Variants in SPMAP2L observed in about 807,000 individuals in gnomAD.
SPMAP2L encodes the protein sperm microtubule associated protein 2-like.
chr4:56,574,043 G>A, the SPMAP2L span, among the ~76,000 whole-genome samples: 1 of 152,138 alleles, frequency 6.6e-6, no homozygotes, highest in Non-Finnish European at 1.5e-5. Context: ...TTAACATTGG[G>A]TCTGGGGGGG....
At chr4:56,537,160 G>C in the SPMAP2L span, among the ~76,000 whole-genome samples, 1 of 152,140 alleles carries the variant, frequency 6.6e-6, no homozygotes, top group Non-Finnish European at 1.5e-5. Flanking sequence ...TAGTCTCCTA[G>C]TTTAGCATCC....
the SPMAP2L span, among the ~76,000 whole-genome samples, chr4:56,600,347 G>A: frequency 1.3e-5 from 2 of 152,022 alleles, no homozygotes; most frequent in Non-Finnish European, 2.9e-5. Context: ...AGGCTGGAGT[G>A]CTGTAGTGTG....
chr4:56,541,892 C>T, the SPMAP2L span, among the ~76,000 whole-genome samples: 1 of 152,244 alleles, frequency 6.6e-6, no homozygotes, highest in Admixed American at 6.5e-5. Flanking sequence ...TCAAACGATC[C>T]TCCCACCTCA....
At chr4:56,593,703 T>C in the SPMAP2L span, 2 of 1,593,990 alleles carry the variant, frequency 1.3e-6, no homozygotes, top group East Asian at 4.5e-5. Flanking sequence ...GGAAGAATGG[T>C]GGGGGCAACA....
At chr4:56,590,597 G>A in the SPMAP2L span, among the ~76,000 whole-genome samples, 2 of 152,200 alleles carry the variant, frequency 1.3e-5, no homozygotes, top group African/African-American at 4.8e-5. Context: ...ACAAACTGCT[G>A]ATGTCACAGG....
the SPMAP2L span, among the ~76,000 whole-genome samples, chr4:56,620,427 C>G: frequency 1.3e-4 from 19 of 148,590 alleles, no homozygotes; most frequent in South Asian, 8.4e-4. Flanking sequence ...TTCTTGTTGC[C>G]CAGGCTGGAA....
chr4:56,617,714 G>A, the SPMAP2L span, among the ~76,000 whole-genome samples: 45 of 152,312 alleles, frequency 3.0e-4, no homozygotes, highest in African/African-American at 1.1e-3. Context: ...CTTATCACAA[G>A]GACAGAGGGA....
the SPMAP2L span, among the ~76,000 whole-genome samples, chr4:56,580,434 AT>A: frequency 1.3e-5 from 2 of 152,230 alleles, no homozygotes; most frequent in African/African-American, 4.8e-5. Flanking sequence ...TACTTTTATG[AT>A]AAAAATGCTA....
the SPMAP2L span, among the ~76,000 whole-genome samples, chr4:56,565,519 T>C: frequency 4.6e-5 from 7 of 152,162 alleles, no homozygotes; most frequent in Non-Finnish European, 5.9e-5. Context: ...AACACATAGT[T>C]TATTCATCAT....
the SPMAP2L span, among the ~76,000 whole-genome samples, chr4:56,612,590 G>C: frequency 9.8e-6 from 1 of 102,558 alleles, no homozygotes; most frequent in African/African-American, 4.8e-5. Flanking sequence ...TTTTTTTCAA[G>C]ACAGTCTCAC....
At chr4:56,553,714 T>A in the SPMAP2L span, among the ~76,000 whole-genome samples, 8 of 152,296 alleles carry the variant, frequency 5.3e-5, no homozygotes, top group Admixed American at 2.0e-4. Context: ...TACATTAAGG[T>A]TCACTTTTTG....
At chr4:56,602,374 T>G in the SPMAP2L span, among the ~76,000 whole-genome samples, 1 of 152,152 alleles carries the variant, frequency 6.6e-6, no homozygotes, top group Non-Finnish European at 1.5e-5. Flanking sequence ...TGCCATCAGA[T>G]GAAATGAAGC....
the SPMAP2L span, among the ~76,000 whole-genome samples, chr4:56,559,760 G>A: frequency 1.3e-5 from 2 of 152,006 alleles, no homozygotes; most frequent in African/African-American, 4.8e-5. Flanking sequence ...GTAGAGACAG[G>A]GTTTCACTAT....
chr4:56,608,140 G>A, the SPMAP2L span, among the ~76,000 whole-genome samples: 1 of 152,074 alleles, frequency 6.6e-6, no homozygotes, highest in Admixed American at 6.6e-5. Context: ...AAAGAACCTT[G>A]GTTACATTGT....
the SPMAP2L span, among the ~76,000 whole-genome samples, chr4:56,624,511 G>A: frequency 1.3e-5 from 2 of 152,170 alleles, no homozygotes; most frequent in Non-Finnish European, 2.9e-5. Flanking sequence ...TCCCATCACA[G>A]GCCTGGAGGC....
chr4:56,554,926 G>T, the SPMAP2L span, among the ~76,000 whole-genome samples: 1 of 145,346 alleles, frequency 6.9e-6, no homozygotes, highest in Non-Finnish European at 1.5e-5. Context: ...TTGTTGAAAA[G>T]ACTATCATTT....
the SPMAP2L span, chr4:56,548,851 A>G: frequency 1.4e-6 from 2 of 1,423,914 alleles, no homozygotes; most frequent in Non-Finnish European, 1.8e-6. Flanking sequence ...TACTATTTTC[A>G]CAGACCTAAA....
At chr4:56,594,236 A>G in the SPMAP2L span, 2 of 1,602,182 alleles carry the variant, frequency 1.2e-6, no homozygotes, top group East Asian at 2.2e-5. Flanking sequence ...AGTGTTCAAC[A>G]GCTACCACTC....
the SPMAP2L span, among the ~76,000 whole-genome samples, chr4:56,535,825 C>A: frequency 1.3e-5 from 2 of 152,192 alleles, no homozygotes; most frequent in African/African-American, 4.8e-5. Context: ...AATGGGTTCT[C>A]ACCTCAGGCA....
Sources: allele counts gnomAD v4.1 joint callset (sites outside exome capture counted in the v4.1 genomes callset), GRCh38; gene constraint gnomAD v4.1.1; transcripts MANE v1.5; gene names NCBI Gene and HGNC (gene_info 2026-07-23, HGNC 2026-07-21).